The following KIF20B variants were observed in gnomAD, a reference collection of about 807,000 sequenced individuals.
KIF20B encodes kinesin-like protein KIF20B.
In KIF20B, 188 loss-of-function variants were observed where a neutral mutation model predicts 232.5. The observed-to-expected ratio is 0.81, with a 90% CI of 0.72 to 0.91. The LOEUF is 0.91. KIF20B is among the 40% of genes least tolerant of loss of function. The probability of loss-of-function intolerance (pLI) is 0.00; values close to 1 mark genes in which losing one functional copy is unlikely to be tolerated. For synonymous variants in KIF20B, 712 were observed against 683.0 expected, an observed-to-expected ratio of 1.04 and a Z score of -0.66; for missense variants, 2,154 against 2,055.9, an observed-to-expected ratio of 1.05 and a Z score of -0.92.
At chr10:89,719,049 A>G (rs749637825) in intron 12 of KIF20B, among the ~76,000 whole-genome samples, 177 bp downstream of exon 12, 1 of 152,226 alleles carries the variant, frequency 6.6e-6, no homozygotes, top group Non-Finnish European at 1.5e-5. Context: ...TAGGATTAAA[A>G]TGACCTTTAG....
intron 19 of KIF20B, among the ~76,000 whole-genome samples, chr10:89,734,182 G>T (rs557782403): frequency 2.0e-5 from 3 of 152,214 alleles, no homozygotes; most frequent in South Asian, 2.1e-4. Flanking sequence ...GGCCGAGGTG[G>T]GTGGATTCCC....
Position 89,752,702 on chromosome 10 carries a change from A to T in KIF20B, c.4347+11A>T. 1.3e-6 allele frequency: 2 copies of T among 1,522,278 alleles called. No individual in the cohort carries two copies. The highest frequency in any genetic ancestry group is 1.8e-6 in the Non-Finnish European group (2 of 1,137,030). 94.3% of individuals were successfully genotyped at this position (1,522,278 alleles called of 1,614,324 possible). On this transcript the variant is annotated intron_variant, in intron 25 of 32. Transcript: ENST00000371728. ...CAAGATGAGTTACAGGTATGACTTTATGTATGTTTTTATGTATGAATGTAT... is the reference window on the plus strand; with the variant it reads ...CAAGATGAGTTACAGGTATGACTTTTTGTATGTTTTTATGTATGAATGTAT...
chr10:89,752,691 G>T lies in KIF20B; in HGVS notation c.4347G>T (p.Gln1449His). Residue 1449 changes from glutamine (Q) to histidine (H), a missense_variant and splice_region_variant, in exon 25 of 33, where the codon CAG (glutamine) becomes CAT (histidine). Physicochemically the swap from Gln to His is conservative, Grantham distance 24 (BLOSUM62 0). Transcript: ENST00000371728. ...TCACTAATCTTCAAGATGAGTTACA[G>T]GTATGACTTTATGTATGTTTTTATG... ...GKLTNLQDEL[Q>H]ESEQKYNADR... The T allele has an allele frequency of 1.3e-6, 2 of 1,545,878 alleles. No individual in the cohort carries two copies. The highest frequency in any genetic ancestry group is 1.3e-5 in the South Asian group (1 of 79,648).
At chr10:89,734,861 A>T (rs1362001946) in intron 19 of KIF20B, among the ~76,000 whole-genome samples, 2 of 152,192 alleles carry the variant, frequency 1.3e-5, no homozygotes, top group African/African-American at 2.4e-5. Context: ...TAACAAACTG[A>T]TATGTTAAGA....
intron 13 of KIF20B, among the ~76,000 whole-genome samples, chr10:89,720,134 A>G (rs1383465017): frequency 6.6e-6 from 1 of 152,156 alleles, no homozygotes; most frequent in Non-Finnish European, 1.5e-5. Flanking sequence ...AGTGTTCCAA[A>G]TATGTTCTTT....
chr10:89,747,515 A>G (rs1374458494), intron 23 of KIF20B, among the ~76,000 whole-genome samples: 6 of 151,364 alleles, frequency 4.0e-5, no homozygotes, highest in African/African-American at 1.5e-4. Flanking sequence ...GACTGGATGA[A>G]GAAAATGTGG....
Position 89,711,794 on chromosome 10 carries a change from T to C in KIF20B, c.675+649T>C, listed in dbSNP as rs1171733503. Among the ~76,000 whole-genome samples, 5 of 152,184 alleles carry C rather than the reference T, an allele frequency of 3.3e-5. No homozygotes were observed. In the East Asian group the frequency reaches 7.7e-4, roughly 23 times the overall value. Reference sequence around the variant, plus strand: ...CTTAAATCATGTGCGTTTTATCTGTTATGTCTTTAACTTGTTTTTTTAAAT... The same window carrying C: ...CTTAAATCATGTGCGTTTTATCTGTCATGTCTTTAACTTGTTTTTTTAAAT... On this transcript the variant is annotated intron_variant, in intron 6 of 32. Transcript: ENST00000371728.
chr10:89,758,802 A>G lies in KIF20B; in HGVS notation c.4600A>G (p.Lys1534Glu), dbSNP rs1842182659. 1 of 1,608,002 alleles carries G rather than the reference A, an allele frequency of 6.2e-7. No homozygotes were observed. The highest frequency in any genetic ancestry group is 8.5e-7 in the Non-Finnish European group (1 of 1,176,746). ...GGTTGCAGCTTTAGAAATACAGCTA[A>G]AAGCACTGATATCCAGTAATGTACA... ...QLVAALEIQLKALISSNVQKD... is the reference protein window; with the variant it reads ...QLVAALEIQLEALISSNVQKD... Residue 1534 changes from lysine (K) to glutamate (E), a missense_variant, in exon 27 of 33, where the codon AAA becomes GAA. By Grantham distance (56) the Lys-to-Glu change is moderately conservative (BLOSUM62 1). Coordinates refer to ENST00000371728, the MANE Select transcript of KIF20B (RefSeq NM_001284259.2).
At chr10:89,725,183 A>G (rs566685789) in intron 15 of KIF20B, 25 bp downstream of exon 15, 23 of 1,610,284 alleles carry the variant, frequency 1.4e-5, no homozygotes, top group African/African-American at 2.7e-5. Context: ...GTATTTAAAA[A>G]TATCCAGTGA....
Position 89,705,428 on chromosome 10 carries a change from C to T in KIF20B, c.134C>T (p.Ala45Val). The change falls in exon 2 of 33, where the codon GCT becomes GTT. Residue 45 changes from alanine (A) to valine (V), a missense_variant. Physicochemically the swap from Ala to Val is moderately conservative, Grantham distance 64. Coordinates refer to ENST00000371728, the MANE Select transcript of KIF20B (RefSeq NM_001284259.2). The part of the protein sequence containing the change: ...LDLSHEFSLV[A>V]PNTEANSFES... Reference sequence around the variant, plus strand: ...CTGTCTCATGAATTTTCCTTAGTTGCTCCAAATACTGAGGTAAGTACAAGA... The same window carrying T: ...CTGTCTCATGAATTTTCCTTAGTTGTTCCAAATACTGAGGTAAGTACAAGA... The T allele has an allele frequency of 1.9e-6, 3 of 1,613,834 alleles. No individual in the cohort carries two copies. In the South Asian group the frequency reaches 3.3e-5, roughly 18 times the overall value.
intron 1 of KIF20B, 52 bp downstream of exon 1, chr10:89,701,732 A>T (rs1842613070): frequency 6.6e-6 from 1 of 152,404 alleles, no homozygotes; most frequent in East Asian, 1.9e-4. Context: ...GTGACTGCGC[A>T]TGTATGGGGC....
rs1841698892 is a variant in KIF20B at position 89,738,006 on chromosome 10, T to C, written c.3165T>C (p.Ser1055=). The C allele has an allele frequency of 6.2e-7, 1 of 1,613,172 alleles. No individual in the cohort carries two copies. Among genetic ancestry groups the C allele is most frequent in the Admixed American group, 1.7e-5 (1 of 59,982 alleles). Residue 1055 remains serine (S), a synonymous_variant, in exon 20 of 33, where the codon TCT becomes TCC. Transcript: ENST00000371728. ...QEPNRENSFH[S]SIEAIWEECK... ...CCAATAGGGAAAATTCTTTCCACTCTAGTATTGAAGCTATTTGGGAAGAAT... is the reference window on the plus strand; with the variant it reads ...CCAATAGGGAAAATTCTTTCCACTCCAGTATTGAAGCTATTTGGGAAGAAT...
At chr10:89,723,417 A>G (rs1037349170) in intron 13 of KIF20B, among the ~76,000 whole-genome samples, 1 of 152,238 alleles carries the variant, frequency 6.6e-6, no homozygotes, top group Admixed American at 6.5e-5. Context: ...TGCTGTTGAC[A>G]TCTGGATAGT....
At chr10:89,721,859 CA>C in intron 13 of KIF20B, among the ~76,000 whole-genome samples, 1 of 152,214 alleles carries the variant, frequency 6.6e-6, no homozygotes, top group East Asian at 1.9e-4. Context: ...GGAAATTCAT[CA>C]AAATGTCTAA....
chr10:89,712,804 CATT>C (rs1231798867), intron 6 of KIF20B, among the ~76,000 whole-genome samples: 2 of 152,090 alleles, frequency 1.3e-5, no homozygotes, highest in South Asian at 2.1e-4. Context: ...TATTTTCAGA[CATT>C]ATTCTATTCA....
chr10:89,765,369 C>T (rs1469415286), intron 29 of KIF20B, among the ~76,000 whole-genome samples: 6 of 152,104 alleles, frequency 3.9e-5, no homozygotes, highest in Non-Finnish European at 5.9e-5. Flanking sequence ...CAAACCACTG[C>T]TCAATGAAAT....
chr10:89,738,683 A>G, intron 20 of KIF20B, 66 bp downstream of exon 20: 1 of 1,466,758 alleles, frequency 6.8e-7, no homozygotes, highest in Non-Finnish European at 9.0e-7. Flanking sequence ...TGCAGCTTTA[A>G]AAAAGTTAGA....
chr10:89,732,913 A>G lies in KIF20B; in HGVS notation c.2402A>G (p.Asp801Gly), dbSNP rs1033738666. 2 of 1,596,594 alleles carry G rather than the reference A, an allele frequency of 1.3e-6. No individual in the cohort carries two copies. Among genetic ancestry groups the G allele is most frequent in the African/African-American group, 2.7e-5 (2 of 74,294 alleles). Residue 801 changes from aspartate to glycine, a missense_variant, in exon 19 of 33, where the codon GAT becomes GGT. Asp to Gly is a moderately conservative substitution (Grantham distance 94). Coordinates refer to ENST00000371728, the MANE Select transcript of KIF20B (RefSeq NM_001284259.2). ...ENTFKCNDKA[D>G]TSSLIINNKL... ...CTTATTTTGCTTTAGGACAAGGCTG[A>G]TACATCTTCTTTAATAATAAACAAT...
chr10:89,703,869 C>G (rs1310992745), intron 1 of KIF20B, among the ~76,000 whole-genome samples: 1 of 151,752 alleles, frequency 6.6e-6, no homozygotes, highest in African/African-American at 2.4e-5. Context: ...TCTCCTACCT[C>G]AGCCTCCTTA....
Sources: gnomAD v4.1 joint callset for allele counts (sites outside exome capture counted in the v4.1 genomes callset) on GRCh38, gnomAD v4.1.1 for gene constraint, MANE v1.5 for transcripts, NCBI Gene and HGNC (gene_info 2026-07-23, HGNC 2026-07-21) for gene names.